ATP13A4: variants seen among roughly 807,000 people sequenced by gnomAD.
ATP13A4 encodes ATPase 13A4, also known as probable cation-transporting ATPase 13A4.
Under a neutral mutation model 142.5 loss-of-function variants are expected in ATP13A4, and 114 were observed. The observed-to-expected ratio is 0.80, with a 90% CI of 0.69 to 0.93. The LOEUF is 0.93. Ranked by LOEUF, ATP13A4 falls within the 40% of genes least tolerant of loss-of-function variation. The probability of loss-of-function intolerance (pLI) is 0.00; values close to 1 mark genes in which losing one functional copy is unlikely to be tolerated. For missense variants in ATP13A4, 1,392 were observed against 1,454.0 expected (o/e 0.96, Z 0.69); for synonymous variants, 488 against 514.8 (o/e 0.95, Z 0.70).
chr3:193,444,498 A>G lies in ATP13A4; in HGVS notation c.2153-1942T>C, dbSNP rs575037683. On this transcript the variant is annotated intron_variant, in intron 18 of 29. Coordinates refer to ENST00000342695, the MANE Select transcript of ATP13A4 (RefSeq NM_032279.4). ...ATACCAGATGTTAACTTGTAACTTA[A>G]GGAATGAAAACACAGAAACAGAAAT... Among the ~76,000 whole-genome samples the G allele has an allele frequency of 4.6e-5, 7 of 152,364 alleles. No individual in the cohort carries two copies. In the East Asian group the frequency reaches 1.2e-3, roughly 25 times the overall value.
chr3:193,483,858 C>T, intron 8 of ATP13A4, 78 bp downstream of exon 8: 1 of 1,133,722 alleles, frequency 8.8e-7, no homozygotes, highest in East Asian at 2.4e-5. Context: ...GGAATAACAG[C>T]AGCAATCAGA....
At chr3:193,464,866 G>A in intron 12 of ATP13A4, 74 bp downstream of exon 12, 1 of 1,494,720 alleles carries the variant, frequency 6.7e-7, no homozygotes, top group Non-Finnish European at 9.3e-7. Context: ...TGCCTTGCAA[G>A]GGGGTAAAAG....
rs71179308 is a variant in ATP13A4, at chr3:193,541,248, C to CAAAAAAAAAAAAAAAAAAAAAA, written c.60+13470_60+13491dup. On this transcript the variant is annotated intron_variant, in intron 1 of 29. Transcript: ENST00000342695. ...TGGGCGACAGAGCGAGACTCCTTCT[C>CAAAAAAAAAAAAAAAAAAAAAA]AAAAAAAAAAAAAAAAAAAAAATCA... Among the ~76,000 whole-genome samples, 9 of 51,294 alleles carry CAAAAAAAAAAAAAAAAAAAAAA rather than the reference C, an allele frequency of 1.8e-4. 1 individual carries two copies. Among genetic ancestry groups the CAAAAAAAAAAAAAAAAAAAAAA allele is most frequent in the Admixed American group, 2.1e-4 (1 of 4,840 alleles). The allele number at this position is 51,294 out of a possible 152,430, so 33.7% of individuals were successfully genotyped here. A position where few individuals can be genotyped will look rare whatever the true frequency, so the allele number is the denominator to read the frequency against.
At chr3:193,404,082 T>G in intron 29 of ATP13A4, 1 of 985,440 alleles carries the variant, frequency 1.0e-6, no homozygotes, top group Non-Finnish European at 1.2e-6. Context: ...TCTTGGAAAC[T>G]TAGCCAGATG....
intron 2 of ATP13A4, among the ~76,000 whole-genome samples, chr3:193,565,989 A>T (rs972221544): frequency 6.6e-6 from 1 of 152,190 alleles, no homozygotes; most frequent in African/African-American, 2.4e-5. Context: ...TAAGTGCTCC[A>T]TTAATGCCAG....
intron 1 of ATP13A4, among the ~76,000 whole-genome samples, chr3:193,521,967 A>G (rs1323636492): frequency 6.6e-6 from 1 of 151,576 alleles, no homozygotes; most frequent in Non-Finnish European, 1.5e-5. Context: ...AAAATAGAAA[A>G]AAAAAACTGC....
At chr3:193,433,227 A>G (rs1337041079) in intron 25 of ATP13A4, among the ~76,000 whole-genome samples, 4 of 152,230 alleles carry the variant, frequency 2.6e-5, no homozygotes, top group Admixed American at 2.6e-4. Context: ...GAACGCTGAT[A>G]GTAGCAGAGG....
At chr3:193,586,696 C>G (rs986391982) in intron 1 of ATP13A4, among the ~76,000 whole-genome samples, 1 of 152,142 alleles carries the variant, frequency 6.6e-6, no homozygotes, top group Admixed American at 6.5e-5. Flanking sequence ...ATTTCTGAAC[C>G]CTTTATTCTG....
intron 1 of ATP13A4, among the ~76,000 whole-genome samples, chr3:193,522,351 A>G (rs1721769233): frequency 6.6e-6 from 1 of 152,314 alleles, no homozygotes. Context: ...TTATGTAAAT[A>G]ATAACTTTTT....
intron 8 of ATP13A4, 137 bp downstream of exon 8, chr3:193,483,799 T>A: frequency 1.2e-6 from 1 of 818,744 alleles, no homozygotes; most frequent in Non-Finnish European, 2.0e-6. Context: ...AAAACTTAAG[T>A]TCCTCATCCC....
intron 7 of ATP13A4, among the ~76,000 whole-genome samples, chr3:193,485,498 G>A (rs1488586111): frequency 6.6e-6 from 1 of 152,174 alleles, no homozygotes; most frequent in Non-Finnish European, 1.5e-5. Flanking sequence ...GAGACGTCCA[G>A]AGGCTGAGTG....
At chr3:193,507,176 A>G (rs1443710894) in intron 2 of ATP13A4, among the ~76,000 whole-genome samples, 1 of 152,200 alleles carries the variant, frequency 6.6e-6, no homozygotes, top group Non-Finnish European at 1.5e-5. Flanking sequence ...CTGGAGATGG[A>G]TACATTGCAA....
chr3:193,567,463 C>T (rs546199845), intron 2 of ATP13A4, among the ~76,000 whole-genome samples: 37 of 152,178 alleles, frequency 2.4e-4, no homozygotes, highest in African/African-American at 8.7e-4. Flanking sequence ...CTGCTAGAGC[C>T]CAAGTGTCCT....
intron 1 of ATP13A4, among the ~76,000 whole-genome samples, chr3:193,532,783 T>A (rs1201609980): frequency 6.6e-6 from 1 of 152,166 alleles, no homozygotes; most frequent in Admixed American, 6.5e-5. Context: ...TAAGCATGTA[T>A]CAGAACAAAC....
intron 18 of ATP13A4, among the ~76,000 whole-genome samples, chr3:193,447,557 T>C (rs1318626071): frequency 6.6e-6 from 1 of 152,242 alleles, no homozygotes; most frequent in East Asian, 1.9e-4. Context: ...ATGAATTCAT[T>C]AGGAAATCAT....
chr3:193,477,808 G>C (rs926765194), intron 8 of ATP13A4, among the ~76,000 whole-genome samples: 2 of 152,032 alleles, frequency 1.3e-5, no homozygotes, highest in Non-Finnish European at 2.9e-5. Flanking sequence ...CTGTCCAGGG[G>C]AGAGCCACGA....
chr3:193,544,536 A>G (rs1247936595), intron 1 of ATP13A4, among the ~76,000 whole-genome samples: 1 of 152,214 alleles, frequency 6.6e-6, no homozygotes, highest in Non-Finnish European at 1.5e-5. Flanking sequence ...GGAGGATACC[A>G]CTGGGAGAGA....
At chr3:193,413,004 C>G (rs560332777) in intron 26 of ATP13A4, among the ~76,000 whole-genome samples, 1 of 152,300 alleles carries the variant, frequency 6.6e-6, no homozygotes, top group African/African-American at 2.4e-5. Flanking sequence ...CCCTGGGCAA[C>G]AGAGAGAGAC....
chr3:193,412,453 A>T (rs957378160), intron 26 of ATP13A4, 82 bp from the exon 27 acceptor site: 14 of 1,339,456 alleles, frequency 1.0e-5, no homozygotes, highest in Non-Finnish European at 1.2e-5. Flanking sequence ...TTCCATACCA[A>T]ACAGTGTCCA....
Sources: allele counts gnomAD v4.1 joint callset (sites outside exome capture counted in the v4.1 genomes callset), GRCh38; gene constraint gnomAD v4.1.1; transcripts MANE v1.5; gene names NCBI Gene and HGNC (gene_info 2026-07-23, HGNC 2026-07-21).